Variants in ROBO1 observed in about 807,000 individuals in gnomAD.
The protein encoded by ROBO1 is roundabout guidance receptor 1.
Under a neutral mutation model 195.9 loss-of-function variants are expected in ROBO1, and 149 were observed. That is an observed-to-expected ratio of 0.76 (90% CI 0.67 to 0.87). The LOEUF (loss-of-function observed/expected upper bound fraction) is 0.87. Ranked by LOEUF, ROBO1 falls within the 40% of genes least tolerant of loss-of-function variation. The pLI, the probability that ROBO1 is intolerant of heterozygous loss-of-function variation, is 0.00. For missense variants in ROBO1, 1,933 were observed against 2,068.3 expected (o/e 0.93, Z 1.27); for synonymous variants, 816 against 733.2 (o/e 1.11, Z -1.82).
At chr3:79,257,820 G>C (rs2082866355) in intron 2 of ROBO1, among the ~76,000 whole-genome samples, 1 of 151,954 alleles carries the variant, frequency 6.6e-6, no homozygotes, top group African/African-American at 2.4e-5. Flanking sequence ...TTTCACCTTA[G>C]GATGATAATA....
In ROBO1 at chr3:78,661,061, A is replaced by C; in HGVS notation, c.2289T>G (p.Ser763Arg). 1.9e-6 allele frequency: 3 copies of C among 1,613,120 alleles called. No individual in the cohort carries two copies. The highest frequency in any genetic ancestry group is 2.5e-6 in the Non-Finnish European group (3 of 1,179,458). The change falls in exon 16 of 31, where the codon AGT (serine) becomes AGG (arginine). Residue 763 changes from serine to arginine, a missense_variant. Ser to Arg is a moderately radical substitution (Grantham distance 110, BLOSUM62 -1). Transcript: ENST00000464233. ...CCAGGGTTTTGGCAAACTTGATTTC[A>C]CTATCTGCTCCTTGAAATTCATTAA... ...PFFNEFQGAD[S>R]EIKFAKTLEE... is the part of the protein sequence containing the mutation.
rs1559651021 is a variant in ROBO1 at position 79,089,946 on chromosome 3, T to TTC, written c.172+35509_172+35510insGA. On this transcript the variant is annotated intron_variant, in intron 3 of 30. Transcript: ENST00000464233. ...ATCATCCAGTTATTCTTTCTTTTTT[T>TTC]TTTTTTTTTTTAAGACGGAGTCTTC... is the stretch of plus-strand genomic sequence containing the variant. 2.6e-5 allele frequency among the ~76,000 whole-genome samples: 4 copies of TTC among 151,732 alleles called. No homozygotes were observed. The East Asian group carries it at 7.7e-4, about 29-fold the overall frequency.
chr3:79,444,919 T>C (rs1390829320), intron 2 of ROBO1, among the ~76,000 whole-genome samples: 1 of 151,938 alleles, frequency 6.6e-6, no homozygotes, highest in Non-Finnish European at 1.5e-5. Flanking sequence ...GTTAAAGCTA[T>C]AGGGAAAGGG....
At chr3:78,881,843 A>T (rs1020201688) in intron 4 of ROBO1, among the ~76,000 whole-genome samples, 1 of 152,200 alleles carries the variant, frequency 6.6e-6, no homozygotes, top group South Asian at 2.1e-4. Context: ...TCAATTTTGT[A>T]TAAGAATTAC....
chr3:79,591,465 C>A lies in ROBO1; in HGVS notation c.-50-1504G>T, dbSNP rs886772993. On this transcript the variant is annotated intron_variant, in intron 1 of 30. Coordinates refer to ENST00000464233, the MANE Select transcript of ROBO1 (RefSeq NM_002941.4). Reference sequence around the variant, plus strand: ...TCCTCTCTCTAAATTTTTCTGTAAGCAACTTTGATCTGAGCTAGAAACTTG... The same window carrying A: ...TCCTCTCTCTAAATTTTTCTGTAAGAAACTTTGATCTGAGCTAGAAACTTG... Among the ~76,000 whole-genome samples the A allele has an allele frequency of 4.6e-5, 7 of 151,786 alleles. No individual in the cohort carries two copies. In the East Asian group the frequency reaches 1.4e-3, roughly 29 times the overall value.
At chr3:78,905,079 A>C (rs2107500820) in intron 4 of ROBO1, among the ~76,000 whole-genome samples, 1 of 152,272 alleles carries the variant, frequency 6.6e-6, no homozygotes, top group South Asian at 2.1e-4. Flanking sequence ...CATATTTAAA[A>C]GTAATTAAAA....
rs953521125 is a variant in ROBO1 at position 79,349,517 on chromosome 3, A to T, written c.89-223978T>A. Among the ~76,000 whole-genome samples, 14 of 152,310 alleles carry T rather than the reference A, an allele frequency of 9.2e-5. No homozygotes were observed. In the East Asian group the frequency reaches 2.5e-3, roughly 27 times the overall value. On this transcript the variant is annotated intron_variant, in intron 2 of 30. Transcript: ENST00000464233. ...TTATAAGAAACTAAGACTAATTAAA[A>T]CACTCTTGCAAAGAACAAAGTTGGA...
intron 3 of ROBO1, among the ~76,000 whole-genome samples, chr3:79,001,530 C>T (rs1164883619): frequency 6.6e-6 from 1 of 152,054 alleles, no homozygotes; most frequent in Admixed American, 6.6e-5. Context: ...GCCCAGAAAT[C>T]TTTGACTTAT....
At chr3:79,158,995 A>C (rs868777291) in intron 2 of ROBO1, among the ~76,000 whole-genome samples, 1 of 152,014 alleles carries the variant, frequency 6.6e-6, no homozygotes, top group East Asian at 1.9e-4. Context: ...ATATTAATGC[A>C]TGACTAAAGT....
At chr3:79,431,387 C>A (rs1025609004) in intron 2 of ROBO1, among the ~76,000 whole-genome samples, 8 of 152,042 alleles carry the variant, frequency 5.3e-5, no homozygotes, top group African/African-American at 1.9e-4. Context: ...CAAGTGGTCC[C>A]CCAAGTTTCT....
Position 78,746,893 on chromosome 3 carries a change from C to T in ROBO1, c.507G>A (p.Arg169=), listed in dbSNP as rs1232479144. The T allele has an allele frequency of 1.3e-6, 2 of 1,561,120 alleles. No homozygotes were observed. The highest frequency in any genetic ancestry group is 1.2e-5 in the South Asian group (1 of 83,882). ...CCGAAGGGTTTTGTCTGAAGTCATCCCGAAGTACTGTAGGAACAAGATTAA... is the reference window on the plus strand; with the variant it reads ...CCGAAGGGTTTTGTCTGAAGTCATCTCGAAGTACTGTAGGAACAAGATTAA... ...HNASLEVAIL[R]DDFRQNPSDV... is the part of the protein sequence containing the mutation. Residue 169 remains arginine, a synonymous_variant, in exon 5 of 31, where the codon CGG becomes CGA. Coordinates refer to ENST00000464233, the MANE Select transcript of ROBO1 (RefSeq NM_002941.4).
chr3:79,025,039 A>T (rs1486995383), intron 3 of ROBO1, among the ~76,000 whole-genome samples: 1 of 152,164 alleles, frequency 6.6e-6, no homozygotes, highest in Non-Finnish European at 1.5e-5. Flanking sequence ...TCAAGGCCTA[A>T]CATGAGCTAG....
At chr3:79,717,100 C>G (rs1702518124) in intron 1 of ROBO1, among the ~76,000 whole-genome samples, 1 of 151,882 alleles carries the variant, frequency 6.6e-6, no homozygotes, top group South Asian at 2.1e-4. Flanking sequence ...TTTGATTCCT[C>G]TTATCTTAAA....
chr3:79,263,481 TC>T (rs1431687522), intron 2 of ROBO1, among the ~76,000 whole-genome samples: 1 of 151,888 alleles, frequency 6.6e-6, no homozygotes, highest in East Asian at 1.9e-4. Flanking sequence ...AGACCCTGTC[TC>T]TACAAAAAAA....
chr3:79,538,616 C>T (rs935863868), intron 2 of ROBO1, among the ~76,000 whole-genome samples: 6 of 152,062 alleles, frequency 3.9e-5, no homozygotes, highest in Non-Finnish European at 7.4e-5. Flanking sequence ...ATAGCAAGGC[C>T]ACCCATGGTA....
chr3:79,655,280 C>G (rs1463619238), intron 1 of ROBO1, among the ~76,000 whole-genome samples: 1 of 151,980 alleles, frequency 6.6e-6, no homozygotes, highest in Non-Finnish European at 1.5e-5. Flanking sequence ...AACTTGTCAA[C>G]TATACCCTCA....
intron 1 of ROBO1, among the ~76,000 whole-genome samples, chr3:79,672,976 G>C (rs960258575): frequency 1.3e-5 from 2 of 151,882 alleles, no homozygotes; most frequent in Non-Finnish European, 2.9e-5. Context: ...ATCCTCTCAA[G>C]AGCGAGCAAT....
chr3:79,576,868 A>ATAGTTTG (rs374247990), intron 2 of ROBO1, among the ~76,000 whole-genome samples: 89 of 152,324 alleles, frequency 5.8e-4, no homozygotes, highest in African/African-American at 2.1e-3. Flanking sequence ...AGATTATTCT[A>ATAGTTTG]TAGTTTGTAG....
At chr3:79,584,874 T>G (rs1438939968) in intron 2 of ROBO1, among the ~76,000 whole-genome samples, 1 of 151,508 alleles carries the variant, frequency 6.6e-6, no homozygotes, top group African/African-American at 2.4e-5. Flanking sequence ...ATCAAGTGAG[T>G]CATCAGCAAG....
Sources: gnomAD v4.1 joint callset for allele counts (sites outside exome capture counted in the v4.1 genomes callset) on GRCh38, gnomAD v4.1.1 for gene constraint, MANE v1.5 for transcripts, NCBI Gene and HGNC (gene_info 2026-07-23, HGNC 2026-07-21) for gene names.